IL17B: variants seen among roughly 807,000 people sequenced by gnomAD.
IL17B encodes the protein interleukin-17B.
In IL17B, 14 loss-of-function variants were observed where a neutral mutation model predicts 14.7. The ratio of observed to expected loss-of-function variants is 0.95; its 90% CI spans 0.63 to 1.49. IL17B has a LOEUF of 1.49. Ranked by LOEUF, IL17B falls within the 40% of genes most tolerant of loss-of-function variation. The pLI is 0.00. For synonymous variants in IL17B, 105 were observed against 94.8 expected, an observed-to-expected ratio of 1.11 and a Z score of -0.62; for missense variants, 233 against 252.8, an observed-to-expected ratio of 0.92 and a Z score of 0.53.
rs1008257737 is a variant in IL17B at position 149,376,867 on chromosome 5, C to T, written c.180G>A (p.Glu60=). ...VSRMKPYARM[E]EYERNIEEMV... ...TCTCCTCGATGTTCCTCTCATACTCCTCCATGCGGGCATACGGTTTCATCC... is the reference window on the plus strand; with the variant it reads ...TCTCCTCGATGTTCCTCTCATACTCTTCCATGCGGGCATACGGTTTCATCC... The change falls in exon 2 of 3, where the codon GAG becomes GAA. Residue 60 remains glutamate (E), a synonymous_variant. Coordinates refer to ENST00000261796, the MANE Select transcript of IL17B (RefSeq NM_014443.3). The T allele has an allele frequency of 5.6e-6, 9 of 1,614,178 alleles. No homozygotes were observed. Among genetic ancestry groups the T allele is most frequent in the Non-Finnish European group, 6.8e-6 (8 of 1,180,030 alleles).
chr5:149,401,393 C>T (rs187405038), intron 1 of IL17B, among the ~76,000 whole-genome samples: 20 of 152,274 alleles, frequency 1.3e-4, no homozygotes, highest in African/African-American at 3.4e-4. Flanking sequence ...GTCAAGGTCT[C>T]GTGGTATGCC....
At chr5:149,402,505 C>A (rs551371995) in intron 1 of IL17B, among the ~76,000 whole-genome samples, 7 of 152,182 alleles carry the variant, frequency 4.6e-5, no homozygotes, top group African/African-American at 1.7e-4. Context: ...CCTTTGGGCA[C>A]TCCACAGTGA....
intron 1 of IL17B, among the ~76,000 whole-genome samples, chr5:149,403,478 T>G (rs2127624068): frequency 6.6e-6 from 1 of 152,334 alleles, no homozygotes; most frequent in Non-Finnish European, 1.5e-5. Context: ...ATTGTCCATA[T>G]TCCCACCTCC....
At chr5:149,402,448 A>C (rs1759224146) in intron 1 of IL17B, among the ~76,000 whole-genome samples, 1 of 152,156 alleles carries the variant, frequency 6.6e-6, no homozygotes, top group Non-Finnish European at 1.5e-5. Context: ...TCCTTCTCTC[A>C]GGACAATGAG....
In IL17B at chr5:149,379,280, C is replaced by T; in HGVS notation, c.-55G>A. ...TGCTGCCCGCCTGGAACCCCAGATG[C>T]CGCCGAGAGAATGGCAGCAACAGGA... On this transcript the variant is annotated 5_prime_UTR_variant, in exon 1 of 3. Coordinates refer to ENST00000261796, the MANE Select transcript of IL17B (RefSeq NM_014443.3). The T allele has an allele frequency of 6.2e-7, 1 of 1,609,786 alleles. No homozygotes were observed. The highest frequency in any genetic ancestry group is 8.5e-7 in the Non-Finnish European group (1 of 1,177,026).
At chr5:149,394,829 T>C (rs938428944) in intron 1 of IL17B, among the ~76,000 whole-genome samples, 1 of 152,342 alleles carries the variant, frequency 6.6e-6, no homozygotes, top group East Asian at 1.9e-4. Flanking sequence ...TGTGATTCTA[T>C]ATACATGGCC....
intron 1 of IL17B, among the ~76,000 whole-genome samples, chr5:149,390,225 C>T (rs548927942): frequency 2.7e-5 from 4 of 146,584 alleles, no homozygotes; most frequent in African/African-American, 1.0e-4. Context: ...TGACCCCCCC[C>T]CTCCCTGTCC....
chr5:149,393,161 A>G (rs765859599), intron 1 of IL17B, among the ~76,000 whole-genome samples: 1 of 152,144 alleles, frequency 6.6e-6, no homozygotes, highest in African/African-American at 2.4e-5. Flanking sequence ...CACCCACCCA[A>G]TGTCACCCAG....
chr5:149,377,245 T>C (rs1758570621), intron 1 of IL17B, among the ~76,000 whole-genome samples: 4 of 152,136 alleles, frequency 2.6e-5, no homozygotes, highest in Non-Finnish European at 4.4e-5. Flanking sequence ...CTCAGCATGC[T>C]CCTTCCTGCC....
chr5:149,403,149 A>G (rs1258875511), intron 1 of IL17B, among the ~76,000 whole-genome samples: 2 of 151,916 alleles, frequency 1.3e-5, no homozygotes, highest in African/African-American at 4.8e-5. Context: ...CAGTGATGCA[A>G]TCTCGGCTTA....
In IL17B at chr5:149,379,164, C is replaced by T. The variant is rs752804275; in HGVS notation, c.21+41G>A. ...AAAGAAAAACTGACATATTTGGGCT[C>T]TTAAAAAGGGGTGGGGGTGCGGCAG... On this transcript the variant is annotated intron_variant, in intron 1 of 2. Coordinates refer to ENST00000261796, the MANE Select transcript of IL17B (RefSeq NM_014443.3). The T allele has an allele frequency of 3.1e-6, 5 of 1,613,620 alleles. No individual in the cohort carries two copies. In the Admixed American group the frequency reaches 8.3e-5, roughly 27 times the overall value.
chr5:149,374,741 A>G lies in IL17B; in HGVS notation c.312-141T>C, dbSNP rs1183404804. 2 of 631,896 alleles carry G rather than the reference A, an allele frequency of 3.2e-6. No individual in the cohort carries two copies. The highest frequency in any genetic ancestry group is 3.7e-5 in the African/African-American group (2 of 54,726). 39.1% of individuals were successfully genotyped at this position (631,896 alleles called of 1,614,324 possible). A position where few individuals can be genotyped will look rare whatever the true frequency, so the allele number is the denominator to read the frequency against. ...GTGTTGGGCTGGAGGAAAGGCAGTAATCAACTCCATGTTCCACGTGAGGAA... is the reference window on the plus strand; with the variant it reads ...GTGTTGGGCTGGAGGAAAGGCAGTAGTCAACTCCATGTTCCACGTGAGGAA... On this transcript the variant is annotated intron_variant, in intron 2 of 2. Coordinates refer to ENST00000261796, the MANE Select transcript of IL17B (RefSeq NM_014443.3). This position sits in a 1 kb window ranked among gnomAD's most constrained non-coding sequence, Gnocchi z 5.0.
chr5:149,391,850 G>A (rs353258), intron 1 of IL17B, among the ~76,000 whole-genome samples: 20,427 of 152,172 alleles, frequency 0.13, 1,559 homozygotes, highest in East Asian at 0.17. Context: ...GGTCACTGTC[G>A]TGACCCCAGG....
chr5:149,401,492 G>A (rs947264411), intron 1 of IL17B, among the ~76,000 whole-genome samples: 3 of 152,152 alleles, frequency 2.0e-5, no homozygotes, highest in Admixed American at 2.0e-4. Context: ...ATCACCTGAG[G>A]TCAGGAGTTC....
upstream of IL17B, among the ~76,000 whole-genome samples, chr5:149,383,088 T>C (rs1758740815): frequency 1.3e-5 from 2 of 152,330 alleles, no homozygotes; most frequent in African/African-American, 4.8e-5. Flanking sequence ...TTAATTGACT[T>C]CTCTGAGCCT....
intron 1 of IL17B, among the ~76,000 whole-genome samples, chr5:149,387,589 C>A (rs1342549785): frequency 2.0e-5 from 3 of 151,874 alleles, no homozygotes; most frequent in African/African-American, 7.3e-5. Flanking sequence ...GGCAACATAG[C>A]GAGATCCTCG....
At chr5:149,381,092 G>T (rs1758684316), upstream of IL17B, among the ~76,000 whole-genome samples, 1 of 152,212 alleles carries the variant, frequency 6.6e-6, no homozygotes, top group Non-Finnish European at 1.5e-5. Flanking sequence ...CCACAGACAT[G>T]CAACTGGGGT....
intron 1 of IL17B, among the ~76,000 whole-genome samples, chr5:149,396,487 G>A (rs1759093462): frequency 1.3e-5 from 2 of 152,224 alleles, no homozygotes; most frequent in African/African-American, 4.8e-5. Flanking sequence ...TCGGCTGGGT[G>A]CAGTGGCTCT....
chr5:149,393,376 T>C (rs948066784), intron 1 of IL17B, among the ~76,000 whole-genome samples: 1 of 152,178 alleles, frequency 6.6e-6, no homozygotes, highest in African/African-American at 2.4e-5. Context: ...CAATTGGCTC[T>C]TTACCTACCT....
Sources: allele counts gnomAD v4.1 joint callset (sites outside exome capture counted in the v4.1 genomes callset), GRCh38; gene constraint gnomAD v4.1.1; non-coding constraint Gnocchi (gnomAD v3.1); transcripts MANE v1.5; gene names NCBI Gene and HGNC (gene_info 2026-07-23, HGNC 2026-07-21).